Variants in MAML2 observed in about 807,000 individuals in gnomAD.
MAML2 encodes the protein mastermind-like protein 2.
Under a neutral mutation model 96.1 loss-of-function variants are expected in MAML2, and 22 were observed. That is an observed-to-expected ratio of 0.23 (90% confidence interval 0.16 to 0.33). The LOEUF (loss-of-function observed/expected upper bound fraction) is 0.33, where lower values mean the gene tolerates loss of function less well. Among genes scored for constraint, MAML2 ranks in the 10% least tolerant of loss-of-function variants. The probability of loss-of-function intolerance (pLI) is 1.00; values close to 1 mark genes in which losing one functional copy is unlikely to be tolerated. For synonymous variants in MAML2, 561 were observed against 521.3 expected (o/e 1.08, Z -1.04); for missense variants, 1,367 against 1,392.4 (o/e 0.98, Z 0.29).
At chr11:96,330,383 A>G (rs1467051042) in intron 1 of MAML2, among the ~76,000 whole-genome samples, 1 of 152,224 alleles carries the variant, frequency 6.6e-6, no homozygotes, top group Non-Finnish European at 1.5e-5. Flanking sequence ...CTTTTGAGAC[A>G]GCTACTATTA....
At chr11:96,143,633 A>G (rs1239844249) in intron 1 of MAML2, among the ~76,000 whole-genome samples, 1 of 152,168 alleles carries the variant, frequency 6.6e-6, no homozygotes, top group South Asian at 2.1e-4. Context: ...TTCAGAGACA[A>G]ATAAATTGGA....
intron 2 of MAML2, among the ~76,000 whole-genome samples, chr11:96,039,731 G>C (rs1276326718): frequency 6.6e-6 from 1 of 152,094 alleles, no homozygotes; most frequent in Admixed American, 6.5e-5. Flanking sequence ...CGGATCACGA[G>C]GTCAGGAGAT....
At chr11:96,019,088 C>G (rs1453072535) in intron 2 of MAML2, among the ~76,000 whole-genome samples, 1 of 151,794 alleles carries the variant, frequency 6.6e-6, no homozygotes, top group African/African-American at 2.4e-5. Context: ...AGAGAGGTAG[C>G]AGAAGAAAAT....
At chr11:96,074,444 A>G (rs1859399892) in intron 2 of MAML2, among the ~76,000 whole-genome samples, 1 of 152,246 alleles carries the variant, frequency 6.6e-6, no homozygotes, top group African/African-American at 2.4e-5. Context: ...GATATCTGCA[A>G]GATGTAATTT....
At chr11:96,238,761 A>C (rs1344212270) in intron 1 of MAML2, among the ~76,000 whole-genome samples, 3 of 152,248 alleles carry the variant, frequency 2.0e-5, no homozygotes, top group African/African-American at 7.2e-5. Flanking sequence ...CAGATAAATA[A>C]TGTGTTTACA....
At chr11:96,058,793 C>G (rs11021408) in intron 2 of MAML2, among the ~76,000 whole-genome samples, 3 of 152,222 alleles carry the variant, frequency 2.0e-5, no homozygotes, top group African/African-American at 4.8e-5. Context: ...TACAGTGCAA[C>G]CTACTGCCAA....
chr11:96,259,882 C>T (rs580357), intron 1 of MAML2, among the ~76,000 whole-genome samples: 21,455 of 151,098 alleles, frequency 0.14, 1,699 homozygotes, highest in Admixed American at 0.21. Context: ...TTTTATGGTT[C>T]AGTATAAAGG....
intron 1 of MAML2, among the ~76,000 whole-genome samples, chr11:96,156,869 G>A (rs759960192): frequency 1.3e-5 from 2 of 152,152 alleles, no homozygotes; most frequent in Non-Finnish European, 2.9e-5. Flanking sequence ...GTATTATGAA[G>A]CAATAAAAAC....
At chr11:95,980,809 G>C (rs1346914000) in intron 4 of MAML2, among the ~76,000 whole-genome samples, 1 of 152,192 alleles carries the variant, frequency 6.6e-6, no homozygotes, top group African/African-American at 2.4e-5. Context: ...GTGCCTGCCA[G>C]TTAAACTGAT....
At chr11:96,267,346 T>C (rs1228551925) in intron 1 of MAML2, among the ~76,000 whole-genome samples, 1 of 152,158 alleles carries the variant, frequency 6.6e-6, no homozygotes, top group Non-Finnish European at 1.5e-5. Flanking sequence ...TACATGATTA[T>C]AGATGCTTAA....
At position 96,034,432 on chromosome 11, in the gene MAML2, T is replaced by TGTGTGTGAGAGAGA. The variant is rs549312275; in HGVS notation, c.2140-42710_2140-42709insTCTCTCTCACACAC. On this transcript the variant is annotated intron_variant, in intron 2 of 4. Coordinates refer to ENST00000524717, the MANE Select transcript of MAML2 (RefSeq NM_032427.4). ...AAGTGTGTGTGTGTGTGTGTGTGTG[T>TGTGTGTGAGAGAGA]GAGAGAGAGAGAGAGAGAGAGAGAG... Among the ~76,000 whole-genome samples, 661 of 135,680 alleles carry TGTGTGTGAGAGAGA rather than the reference T, an allele frequency of 4.9e-3. 3 individuals carry two copies. The highest frequency in any genetic ancestry group is 9.0e-3 in the African/African-American group (315 of 34,814). The allele number at this position is 135,680 out of a possible 152,430, so 89.0% of individuals were successfully genotyped here. A position where few individuals can be genotyped will look rare whatever the true frequency, so the allele number is the denominator to read the frequency against.
chr11:96,257,980 T>C (rs917907688), intron 1 of MAML2, among the ~76,000 whole-genome samples: 3 of 152,218 alleles, frequency 2.0e-5, no homozygotes, highest in Non-Finnish European at 2.9e-5. Context: ...GCTTACTTGA[T>C]CCTAATTTTA....
At position 96,093,536 on chromosome 11, in the gene MAML2, T is replaced by A; in HGVS notation, c.514-19A>T. ...CCTGGAGCTGAAAGACAGAAGGGAA[T>A]AAAAAGGAAAAATAAGAAATATGAA... On this transcript the variant is annotated intron_variant, in intron 1 of 4. Transcript: ENST00000524717. The A allele has an allele frequency of 6.7e-7, 1 of 1,499,352 alleles. No homozygotes were observed. The highest frequency in any genetic ancestry group is 2.1e-5 in the Admixed American group (1 of 46,614). 92.9% of individuals were successfully genotyped at this position (1,499,352 alleles called of 1,614,324 possible). A position where few individuals can be genotyped will look rare whatever the true frequency, so the allele number is the denominator to read the frequency against.
chr11:96,096,245 GCTCTGGGAAACAGCA>G (rs1286707907), intron 1 of MAML2, among the ~76,000 whole-genome samples: 2 of 152,132 alleles, frequency 1.3e-5, no homozygotes, highest in African/African-American at 4.8e-5. Flanking sequence ...TGCAGTATGC[GCTCTGGGAAACAGCA>G]CTCACACTTT....
At chr11:96,268,015 G>C (rs146218270) in intron 1 of MAML2, among the ~76,000 whole-genome samples, 41 of 152,316 alleles carry the variant, frequency 2.7e-4, no homozygotes, top group Middle Eastern at 3.4e-3. Context: ...TGGAAACATG[G>C]AGATGGCTTT....
intron 1 of MAML2, among the ~76,000 whole-genome samples, chr11:96,242,659 GAA>G (rs138615068): frequency 6.6e-6 from 1 of 150,764 alleles, no homozygotes; most frequent in South Asian, 2.1e-4. Context: ...AGCTTAAAGA[GAA>G]AAAAAAAGTG....
intron 2 of MAML2, among the ~76,000 whole-genome samples, chr11:96,037,120 T>C (rs1360350539): frequency 6.6e-6 from 1 of 152,154 alleles, no homozygotes; most frequent in African/African-American, 2.4e-5. Context: ...TTCTGGGATG[T>C]TTCTGCCCAC....
chr11:96,060,179 C>T (rs146486768), intron 2 of MAML2, among the ~76,000 whole-genome samples: 10 of 152,254 alleles, frequency 6.6e-5, no homozygotes, highest in African/African-American at 1.9e-4. Flanking sequence ...AGTTGAAAAT[C>T]GTTTTGTAAG....
At chr11:96,078,821 T>C (rs1859488889) in intron 2 of MAML2, among the ~76,000 whole-genome samples, 1 of 152,248 alleles carries the variant, frequency 6.6e-6, no homozygotes, top group Non-Finnish European at 1.5e-5. Context: ...GATTCTACCT[T>C]CTTTCATTCA....
Sources: gnomAD v4.1 joint callset for allele counts (sites outside exome capture counted in the v4.1 genomes callset) on GRCh38, gnomAD v4.1.1 for gene constraint, MANE v1.5 for transcripts, NCBI Gene and HGNC (gene_info 2026-07-23, HGNC 2026-07-21) for gene names.